PRKCB: variants seen among roughly 807,000 people sequenced by gnomAD.
PRKCB encodes the protein protein kinase C beta.
PRKCB carries 13 observed loss-of-function variants against 81.5 expected under a neutral mutation model. The observed-to-expected ratio is 0.16, with a 90% CI of 0.10 to 0.25. PRKCB has a LOEUF of 0.25. PRKCB is among the 10% of genes least tolerant of loss of function. The pLI, the probability that PRKCB is intolerant of heterozygous loss-of-function variation, is 1.00. For missense variants in PRKCB, 509 were observed against 875.7 expected, an observed-to-expected ratio of 0.58 and a Z score of 5.29; for synonymous variants, 335 against 321.4, an observed-to-expected ratio of 1.04 and a Z score of -0.45.
In PRKCB at chr16:24,094,224, A is replaced by G; in HGVS notation, c.748A>G (p.Thr250Ala). The G allele has an allele frequency of 1.2e-6, 2 of 1,614,202 alleles. No homozygotes were observed. The highest frequency in any genetic ancestry group is 1.7e-6 in the Non-Finnish European group (2 of 1,180,032). Residue 250 changes from threonine (T) to alanine (A), a missense_variant, in exon 7 of 17, where the codon ACC becomes GCC. Physicochemically the swap from Thr to Ala is moderately conservative, Grantham distance 58. Around this residue, in one of 6 missense-constraint regions of PRKCB, gnomAD observed 184 missense variants for 362.9 expected, o/e 0.51. Transcript: ENST00000643927. ...AGTAGAGATTTGGGATTGGGATTTG[A>G]CCAGCAGGAATGACTTCATGGGATC... ...LSVEIWDWDLTSRNDFMGSLS... is the reference protein window; with the variant it reads ...LSVEIWDWDLASRNDFMGSLS...
intron 2 of PRKCB, among the ~76,000 whole-genome samples, chr16:23,927,876 C>T (rs953852117): frequency 2.0e-5 from 3 of 151,902 alleles, no homozygotes; most frequent in African/African-American, 7.2e-5. Context: ...GTCCAAATGG[C>T]ACAGACCAGT....
chr16:24,001,629 A>G (rs1965035507), intron 3 of PRKCB, among the ~76,000 whole-genome samples: 1 of 152,230 alleles, frequency 6.6e-6, no homozygotes, highest in African/African-American at 2.4e-5. Context: ...TAGGCAAATA[A>G]CCGAGAAAGA....
At chr16:24,176,503 G>A (rs1441572070) in intron 12 of PRKCB, among the ~76,000 whole-genome samples, 1 of 152,248 alleles carries the variant, frequency 6.6e-6, no homozygotes, top group Non-Finnish European at 1.5e-5. Flanking sequence ...ATGTGTGCAT[G>A]AAATGGCACA....
At chr16:23,934,194 T>C (rs1391000779) in intron 2 of PRKCB, among the ~76,000 whole-genome samples, 1 of 151,172 alleles carries the variant, frequency 6.6e-6, no homozygotes, top group Non-Finnish European at 1.5e-5. Context: ...AGAGAATTGA[T>C]ATTAGATAGC....
intron 3 of PRKCB, among the ~76,000 whole-genome samples, chr16:23,992,323 C>T (rs1007469462): frequency 3.9e-5 from 6 of 152,216 alleles, no homozygotes; most frequent in Admixed American, 6.5e-5. Flanking sequence ...GAATTGGTTT[C>T]GGGGATTTGG....
chr16:24,211,012 G>C (rs1255492339), intron 16 of PRKCB, among the ~76,000 whole-genome samples: 1 of 152,028 alleles, frequency 6.6e-6, no homozygotes, highest in African/African-American at 2.4e-5. Flanking sequence ...ATAAACAAAT[G>C]AATGAATCTG....
chr16:24,161,720 C>T (rs1480468750), intron 10 of PRKCB, among the ~76,000 whole-genome samples: 1 of 152,152 alleles, frequency 6.6e-6, no homozygotes, highest in East Asian at 1.9e-4. Context: ...AGTCACTTAA[C>T]AGCTCTGAAT....
chr16:23,986,975 C>T (rs1023931206), intron 2 of PRKCB, among the ~76,000 whole-genome samples: 3 of 152,122 alleles, frequency 2.0e-5, no homozygotes, highest in Non-Finnish European at 2.9e-5. Flanking sequence ...CAAAGAAAAA[C>T]AAGACCATTA....
chr16:24,021,723 C>T (rs950576849), intron 3 of PRKCB, among the ~76,000 whole-genome samples: 2 of 151,968 alleles, frequency 1.3e-5, no homozygotes, highest in Admixed American at 1.3e-4. Flanking sequence ...CATGTCCTTG[C>T]TTTGTGACCT....
rs1044352544 is a variant in PRKCB, at chr16:23,873,189, CAAAA to C, written c.205+35800_205+35803del. Among the ~76,000 whole-genome samples, 83 of 67,904 alleles carry C rather than the reference CAAAA, an allele frequency of 1.2e-3. 1 individual carries two copies. Among genetic ancestry groups the C allele is most frequent in the African/African-American group, 4.7e-3 (67 of 14,360 alleles). 44.5% of individuals were successfully genotyped at this position (67,904 alleles called of 152,430 possible). A position where few individuals can be genotyped will look rare whatever the true frequency, so the allele number is the denominator to read the frequency against. On this transcript the variant is annotated intron_variant, in intron 2 of 16. Transcript: ENST00000643927. ...CTAAAAACACACACACACACACACA[CAAAA>C]AAAAAAAAAAAAAAAAGAAAAAAAA...
intron 7 of PRKCB, among the ~76,000 whole-genome samples, chr16:24,108,046 C>T (rs1314216544): frequency 2.6e-5 from 4 of 152,204 alleles, no homozygotes; most frequent in Non-Finnish European, 5.9e-5. Context: ...ACTTGCTCTT[C>T]GCTGATCTCC....
chr16:23,854,989 C>A (rs1962539404), intron 2 of PRKCB, among the ~76,000 whole-genome samples: 1 of 152,124 alleles, frequency 6.6e-6, no homozygotes. Flanking sequence ...ACGGCCAGGA[C>A]TTAGTGCACA....
At chr16:24,100,369 G>C (rs1353076469) in intron 7 of PRKCB, among the ~76,000 whole-genome samples, 1 of 152,096 alleles carries the variant, frequency 6.6e-6, no homozygotes, top group African/African-American at 2.4e-5. Context: ...ACCTAGCTTT[G>C]GGGCATCATT....
At chr16:23,976,537 C>A (rs150657875) in intron 2 of PRKCB, among the ~76,000 whole-genome samples, 1 of 152,170 alleles carries the variant, frequency 6.6e-6, no homozygotes, top group Admixed American at 6.5e-5. Flanking sequence ...CTGGCCCACA[C>A]AATCAGTGAG....
intron 2 of PRKCB, among the ~76,000 whole-genome samples, chr16:23,855,398 G>A (rs1426622586): frequency 6.6e-6 from 1 of 152,112 alleles, no homozygotes; most frequent in African/African-American, 2.4e-5. Flanking sequence ...ACCTCCCAGA[G>A]TTCTATGTGG....
Position 24,018,061 on chromosome 16 carries a change from G to A in PRKCB, c.289-14075G>A, listed in dbSNP as rs1483754008. On this transcript the variant is annotated intron_variant, in intron 3 of 16. Transcript: ENST00000643927. ...CTACAGGTGCCCGCCACCACGCCCA[G>A]CTAATTTTTTGTATTTTTTAGTAGA... 3.3e-5 allele frequency among the ~76,000 whole-genome samples: 5 copies of A among 151,928 alleles called. No homozygotes were observed. In the East Asian group the frequency reaches 7.7e-4, roughly 23 times the overall value.
At chr16:23,850,884 T>G (rs1962461335) in intron 2 of PRKCB, among the ~76,000 whole-genome samples, 1 of 152,212 alleles carries the variant, frequency 6.6e-6, no homozygotes, top group Non-Finnish European at 1.5e-5. Flanking sequence ...GTGCTGAACA[T>G]TTTTTCAAGT....
At position 24,215,455 on chromosome 16, in the gene PRKCB, T is replaced by C; in HGVS notation, c.*639T>C. 1 of 985,772 alleles carries C rather than the reference T, an allele frequency of 1.0e-6. No individual in the cohort carries two copies. The highest frequency in any genetic ancestry group is 1.2e-6 in the Non-Finnish European group (1 of 829,946). The allele number at this position is 985,772 out of a possible 1,614,324, so 61.1% of individuals were successfully genotyped here. A position where few individuals can be genotyped will look rare whatever the true frequency, so the allele number is the denominator to read the frequency against. On this transcript the variant is annotated 3_prime_UTR_variant, in exon 17 of 17. Coordinates refer to ENST00000643927, the MANE Select transcript of PRKCB (RefSeq NM_002738.7). ...GCAACCAGCTTGGGTGCTACCTCAGTGTTGTAGTTTCTGATACTTTATGTC... is the reference window on the plus strand; with the variant it reads ...GCAACCAGCTTGGGTGCTACCTCAGCGTTGTAGTTTCTGATACTTTATGTC...
chr16:23,848,062 C>G (rs1962408918), intron 2 of PRKCB, among the ~76,000 whole-genome samples: 1 of 151,992 alleles, frequency 6.6e-6, no homozygotes, highest in Non-Finnish European at 1.5e-5. Context: ...CAGGACAACG[C>G]AGTTGAGATA....
Sources: allele counts gnomAD v4.1 joint callset (sites outside exome capture counted in the v4.1 genomes callset), GRCh38; gene constraint gnomAD v4.1.1; regional missense constraint gnomAD v4.1.1; transcripts MANE v1.5; gene names NCBI Gene and HGNC (gene_info 2026-07-23, HGNC 2026-07-21).